GALNTL6: variants seen among roughly 807,000 people sequenced by gnomAD.
GALNTL6 encodes the protein polypeptide N-acetylgalactosaminyltransferase-like 6.
Under a neutral mutation model 73.7 loss-of-function variants are expected in GALNTL6, and 46 were observed. The observed-to-expected ratio is 0.62, with a 90% CI of 0.49 to 0.80. The LOEUF (loss-of-function observed/expected upper bound fraction) is 0.80. GALNTL6 is among the 30% of genes least tolerant of loss of function. The pLI, the probability that GALNTL6 is intolerant of heterozygous loss-of-function variation, is 0.00. For synonymous variants in GALNTL6, 259 were observed against 263.7 expected, an observed-to-expected ratio of 0.98 and a Z score of 0.17; for missense variants, 604 against 755.0, an observed-to-expected ratio of 0.80 and a Z score of 2.34.
chr4:172,320,454 G>A (rs888870495), intron 4 of GALNTL6, among the ~76,000 whole-genome samples: 5 of 152,168 alleles, frequency 3.3e-5, no homozygotes, highest in African/African-American at 1.2e-4. Flanking sequence ...TCTTTGCAAC[G>A]TTGCATAGAG....
intron 9 of GALNTL6, among the ~76,000 whole-genome samples, chr4:172,947,026 G>A (rs769403475): frequency 1.3e-5 from 2 of 152,096 alleles, no homozygotes; most frequent in African/African-American, 2.4e-5. Flanking sequence ...GCAGAACCAT[G>A]GCAGGAAGCT....
At chr4:172,699,031 G>A (rs1483635456) in intron 5 of GALNTL6, among the ~76,000 whole-genome samples, 1 of 152,138 alleles carries the variant, frequency 6.6e-6, no homozygotes, top group African/African-American at 2.4e-5. Flanking sequence ...GGCATTGGCA[G>A]ATTCGGTGTT....
intron 5 of GALNTL6, among the ~76,000 whole-genome samples, chr4:172,384,416 A>C: frequency 6.6e-6 from 1 of 151,580 alleles, no homozygotes; most frequent in Non-Finnish European, 1.5e-5. Context: ...ATTCCCTCTT[A>C]ATTTTTTTTT....
intron 5 of GALNTL6, among the ~76,000 whole-genome samples, chr4:172,802,466 A>G (rs1038076763): frequency 6.6e-6 from 1 of 152,132 alleles, no homozygotes; most frequent in Non-Finnish European, 1.5e-5. Context: ...TTGAGAGTCT[A>G]AAGGAACTCT....
intron 3 of GALNTL6, among the ~76,000 whole-genome samples, chr4:172,310,643 C>T (rs1740320350): frequency 6.6e-6 from 1 of 152,022 alleles, no homozygotes; most frequent in Non-Finnish European, 1.5e-5. Flanking sequence ...TATCGCACTT[C>T]TCACACCAAA....
At chr4:172,055,629 C>A (rs963777000) in intron 2 of GALNTL6, among the ~76,000 whole-genome samples, 1 of 152,084 alleles carries the variant, frequency 6.6e-6, no homozygotes, top group Admixed American at 6.6e-5. Context: ...GTCAACCAGA[C>A]ATTGCAAATG....
At chr4:172,944,421 G>C (rs1749060682) in intron 9 of GALNTL6, among the ~76,000 whole-genome samples, 1 of 152,188 alleles carries the variant, frequency 6.6e-6, no homozygotes, top group South Asian at 2.1e-4. Flanking sequence ...ACAATGAGAT[G>C]CTACTGCATG....
At chr4:172,747,914 G>A (rs1737201645) in intron 5 of GALNTL6, among the ~76,000 whole-genome samples, 1 of 149,756 alleles carries the variant, frequency 6.7e-6, no homozygotes, top group Admixed American at 6.7e-5. Flanking sequence ...ATTATGTTAA[G>A]CTAAATAAGC....
At chr4:172,329,471 A>G (rs1256446262) in intron 4 of GALNTL6, among the ~76,000 whole-genome samples, 3 of 152,164 alleles carry the variant, frequency 2.0e-5, no homozygotes, top group Non-Finnish European at 4.4e-5. Flanking sequence ...ATCAACAGTG[A>G]AGGCTGCAAA....
chr4:172,404,070 T>C (rs1002942905), intron 5 of GALNTL6, among the ~76,000 whole-genome samples: 1 of 151,870 alleles, frequency 6.6e-6, no homozygotes, highest in Non-Finnish European at 1.5e-5. Context: ...GGATGATCTT[T>C]CATTTATTTC....
intron 5 of GALNTL6, among the ~76,000 whole-genome samples, chr4:172,468,396 G>A (rs902295624): frequency 4.6e-5 from 7 of 152,130 alleles, no homozygotes; most frequent in Admixed American, 1.3e-4. Context: ...GAAATATATG[G>A]TTTGGAAGAA....
At chr4:172,638,703 G>A (rs1221503628) in intron 5 of GALNTL6, among the ~76,000 whole-genome samples, 1 of 152,094 alleles carries the variant, frequency 6.6e-6, no homozygotes, top group Non-Finnish European at 1.5e-5. Flanking sequence ...TAAGATTGGT[G>A]CAACACCATT....
chr4:172,680,053 A>G lies in GALNTL6; in HGVS notation c.554-129308A>G, dbSNP rs548998568. 5.3e-5 allele frequency among the ~76,000 whole-genome samples: 8 copies of G among 152,310 alleles called. No homozygotes were observed. In the South Asian group the frequency reaches 1.7e-3, roughly 32 times the overall value. On this transcript the variant is annotated intron_variant, in intron 5 of 12. Coordinates refer to ENST00000506823, the MANE Select transcript of GALNTL6 (RefSeq NM_001034845.3). Reference sequence around the variant, plus strand: ...CTTTCTAATAATCACATATGAGATGAAAGAATTAAGCACTTTAAATTTATT... The same window carrying G: ...CTTTCTAATAATCACATATGAGATGGAAGAATTAAGCACTTTAAATTTATT...
At chr4:172,199,404 AT>A (rs1333701974) in intron 2 of GALNTL6, among the ~76,000 whole-genome samples, 5 of 152,124 alleles carry the variant, frequency 3.3e-5, no homozygotes, top group Non-Finnish European at 5.9e-5. Flanking sequence ...TTTGCAAATT[AT>A]TTTCGTGATC....
At chr4:171,938,422 C>T (rs991445187) in intron 2 of GALNTL6, among the ~76,000 whole-genome samples, 1 of 152,024 alleles carries the variant, frequency 6.6e-6, no homozygotes, top group African/African-American at 2.4e-5. Flanking sequence ...GTGCAATGCC[C>T]CAACACCCAT....
At chr4:172,814,039 G>A (rs570919587) in intron 7 of GALNTL6, among the ~76,000 whole-genome samples, 1 of 152,252 alleles carries the variant, frequency 6.6e-6, no homozygotes, top group Admixed American at 6.5e-5. Context: ...ATTTTCAGTT[G>A]TTTCTGTTCT....
At chr4:172,655,752 T>C (rs142153914) in intron 5 of GALNTL6, among the ~76,000 whole-genome samples, 30 of 152,372 alleles carry the variant, frequency 2.0e-4, no homozygotes, top group African/African-American at 7.2e-4. Context: ...GGCAATTCTG[T>C]TCTTGAAAAT....
chr4:171,989,884 C>A (rs1263325738), intron 2 of GALNTL6, among the ~76,000 whole-genome samples: 4 of 152,066 alleles, frequency 2.6e-5, no homozygotes, highest in Non-Finnish European at 5.9e-5. Context: ...TGAAAAAGAG[C>A]CTAAACGCTA....
chr4:171,989,181 C>T (rs188008018), intron 2 of GALNTL6, among the ~76,000 whole-genome samples: 1 of 151,970 alleles, frequency 6.6e-6, no homozygotes, highest in Admixed American at 6.5e-5. Flanking sequence ...GAGTGAGTAG[C>T]CTCCGTATTG....
Sources: allele counts gnomAD v4.1 joint callset (sites outside exome capture counted in the v4.1 genomes callset), GRCh38; gene constraint gnomAD v4.1.1; transcripts MANE v1.5; gene names NCBI Gene and HGNC (gene_info 2026-07-23, HGNC 2026-07-21).